LRRC69: variants seen among roughly 807,000 people sequenced by gnomAD.
LRRC69 encodes leucine rich repeat containing 69.
Under a neutral mutation model 37.8 loss-of-function variants are expected in LRRC69, and 42 were observed. The ratio of observed to expected loss-of-function variants is 1.11; its 90% CI spans 0.87 to 1.44. LRRC69 has a LOEUF of 1.44. LRRC69 is among the 40% of genes most tolerant of loss of function. The pLI is 0.00. For synonymous variants in LRRC69, 141 were observed against 143.1 expected (o/e 0.99, Z 0.11); for missense variants, 357 against 401.9 (o/e 0.89, Z 0.96).
In LRRC69 at chr8:91,172,707, G is replaced by A. The variant is rs531760023; in HGVS notation, c.652-16815G>A. Reference sequence around the variant, plus strand: ...ATTTTGTATTTTTAGTAGAGACAGCGTTTCTCCATGTTGCTCAGGCTGGTC... The same window carrying A: ...ATTTTGTATTTTTAGTAGAGACAGCATTTCTCCATGTTGCTCAGGCTGGTC... On this transcript the variant is annotated intron_variant, in intron 5 of 7. Coordinates refer to ENST00000448384, the Ensembl canonical transcript of LRRC69. Among the ~76,000 whole-genome samples, 12 of 151,888 alleles carry A rather than the reference G, an allele frequency of 7.9e-5. 3 individuals carry two copies. The highest frequency in any genetic ancestry group is 2.7e-4 in the African/African-American group (11 of 41,472).
At chr8:91,197,431 C>T in intron 6 of LRRC69, among the ~76,000 whole-genome samples, 1 of 152,114 alleles carries the variant, frequency 6.6e-6, no homozygotes, top group Non-Finnish European at 1.5e-5. Flanking sequence ...GGCGGGCGCC[C>T]CTCCCCCAGC....
intron 5 of LRRC69, among the ~76,000 whole-genome samples, chr8:91,177,745 A>C (rs2130593541): frequency 6.6e-6 from 1 of 152,294 alleles, no homozygotes; most frequent in Middle Eastern, 3.4e-3. Flanking sequence ...AGGTTCTAGC[A>C]GTAGAATTGT....
intron 6 of LRRC69, among the ~76,000 whole-genome samples, chr8:91,195,451 G>A (rs1267925821): frequency 6.6e-6 from 1 of 151,874 alleles, no homozygotes; most frequent in Non-Finnish European, 1.5e-5. Context: ...GGGTGTTAAA[G>A]TCTCCCATTA....
chr8:91,167,579 T>G (rs1158290863), intron 5 of LRRC69, among the ~76,000 whole-genome samples: 2 of 151,958 alleles, frequency 1.3e-5, no homozygotes, highest in East Asian at 3.9e-4. Context: ...ATGTGAAACA[T>G]CCAGTGTTTT....
chr8:91,169,495 T>C (rs1027707936), intron 5 of LRRC69, among the ~76,000 whole-genome samples: 5 of 151,244 alleles, frequency 3.3e-5, no homozygotes, highest in Non-Finnish European at 7.4e-5. Flanking sequence ...CAAAGGAGCA[T>C]GAGTACATGT....
chr8:91,168,562 C>T (rs887680154), intron 5 of LRRC69, among the ~76,000 whole-genome samples: 1 of 151,888 alleles, frequency 6.6e-6, no homozygotes, highest in African/African-American at 2.4e-5. Context: ...TGAGAATTAG[C>T]AGCCATTTGG....
intron 1 of LRRC69, among the ~76,000 whole-genome samples, chr8:91,105,887 T>A (rs879456328): frequency 6.6e-6 from 1 of 151,988 alleles, no homozygotes. Flanking sequence ...GAACTGGTGA[T>A]TCAGTGATGA....
At chr8:91,174,723 C>CT in intron 5 of LRRC69, among the ~76,000 whole-genome samples, 1 of 152,330 alleles carries the variant, frequency 6.6e-6, no homozygotes, top group South Asian at 2.1e-4. Flanking sequence ...GCTTTCACAT[C>CT]TGTGGTATTC....
chr8:91,135,707 G>A, exon 5 of LRRC69: 1 of 1,456,278 alleles, frequency 6.9e-7, no homozygotes, highest in Non-Finnish European at 9.0e-7. Context: ...CCTAGACATA[G>A]CTGGAAATAT....
intron 7 of LRRC69, among the ~76,000 whole-genome samples, chr8:91,211,237 A>G (rs1319195236): frequency 6.6e-6 from 1 of 152,096 alleles, no homozygotes; most frequent in Non-Finnish European, 1.5e-5. Flanking sequence ...AAAACCATGG[A>G]TTCTAGCGTT....
chr8:91,176,024 G>T (rs1809218309), intron 5 of LRRC69, among the ~76,000 whole-genome samples: 1 of 149,166 alleles, frequency 6.7e-6, no homozygotes, highest in South Asian at 2.1e-4. Flanking sequence ...TTATTTCATG[G>T]CATCCTCTAT....
chr8:91,144,501 C>T (rs1808583159), intron 5 of LRRC69, among the ~76,000 whole-genome samples: 1 of 151,936 alleles, frequency 6.6e-6, no homozygotes, highest in South Asian at 2.1e-4. Flanking sequence ...TTTCCCTCTC[C>T]CTTGTGGCTC....
chr8:91,153,234 A>G (rs1006045873), intron 5 of LRRC69, among the ~76,000 whole-genome samples: 2 of 151,434 alleles, frequency 1.3e-5, no homozygotes, highest in African/African-American at 4.8e-5. Context: ...TTAGAGAACT[A>G]CAAGGAGACT....
intron 5 of LRRC69, among the ~76,000 whole-genome samples, chr8:91,147,337 T>A (rs1471281204): frequency 1.3e-5 from 2 of 149,472 alleles, no homozygotes; most frequent in African/African-American, 4.9e-5. Context: ...TATATCTATT[T>A]TCACTGCCTA....
intron 7 of LRRC69, among the ~76,000 whole-genome samples, chr8:91,209,874 C>T (rs1348342089): frequency 1.3e-5 from 2 of 152,152 alleles, no homozygotes; most frequent in Non-Finnish European, 2.9e-5. Context: ...TTTCCACTTA[C>T]AAAATGCTTT....
chr8:91,136,334 A>G (rs1412598998), intron 5 of LRRC69, among the ~76,000 whole-genome samples: 3 of 151,962 alleles, frequency 2.0e-5, no homozygotes, highest in Non-Finnish European at 4.4e-5. Context: ...TATTCAATGA[A>G]TAGTTGTTGA....
rs371562672 is a variant in LRRC69 at position 91,183,345 on chromosome 8, C to T, written c.652-6177C>T. 1.5e-4 allele frequency among the ~76,000 whole-genome samples: 23 copies of T among 152,196 alleles called. No individual in the cohort carries two copies. The South Asian group carries it at 2.3e-3, about 15-fold the overall frequency. On this transcript the variant is annotated intron_variant, in intron 5 of 7. Transcript: ENST00000448384. ...AGTCGAATAAGAAATGAAGATAACTCGGTCTAAGGTAGTGGCAGGAAAGGT... is the reference window on the plus strand; with the variant it reads ...AGTCGAATAAGAAATGAAGATAACTTGGTCTAAGGTAGTGGCAGGAAAGGT...
chr8:91,121,546 T>A lies in LRRC69; in HGVS notation c.184-2947T>A, dbSNP rs147058880. ...TATTTTGACAATTTCTTCTTCCTTA[T>A]TGTCACTCAGATCTCAGTCTATATA... is the stretch of plus-strand genomic sequence containing the variant. On this transcript the variant is annotated intron_variant, in intron 1 of 7. Transcript: ENST00000448384. Among the ~76,000 whole-genome samples the A allele has an allele frequency of 1.2e-3, 185 of 152,180 alleles. 3 individuals are homozygous for A. The highest frequency in any genetic ancestry group is 1.9e-3 in the Non-Finnish European group (126 of 68,022).
At chr8:91,191,623 GA>G (rs1364207600) in intron 6 of LRRC69, among the ~76,000 whole-genome samples, 1 of 152,142 alleles carries the variant, frequency 6.6e-6, no homozygotes, top group Non-Finnish European at 1.5e-5. Context: ...TATTGGTTCA[GA>G]AAGGGGATAT....
Sources: gnomAD v4.1 joint callset for allele counts (sites outside exome capture counted in the v4.1 genomes callset) on GRCh38, gnomAD v4.1.1 for gene constraint, MANE v1.5 for transcripts, NCBI Gene and HGNC (gene_info 2026-07-23, HGNC 2026-07-21) for gene names.